Variants in PIEZO2 observed in about 807,000 individuals in gnomAD.
The protein encoded by PIEZO2 is piezo type mechanosensitive ion channel component 2.
In PIEZO2, 172 loss-of-function variants were observed where a neutral mutation model predicts 337.3. That is an observed-to-expected ratio of 0.51 (90% confidence interval 0.45 to 0.58). PIEZO2 has a LOEUF of 0.58. Ranked by LOEUF, PIEZO2 falls within the 20% of genes least tolerant of loss-of-function variation. PIEZO2 has a pLI of 0.00. For synonymous variants in PIEZO2, 1,251 were observed against 1,228.5 expected (o/e 1.02, Z -0.38); for missense variants, 3,028 against 3,391.3 (o/e 0.89, Z 2.66).
rs375174538 is a variant in PIEZO2, at chr18:11,104,188, T to C, written c.65-37966A>G. 5.9e-5 allele frequency among the ~76,000 whole-genome samples: 9 copies of C among 152,290 alleles called. No individual in the cohort carries two copies. The highest frequency in any genetic ancestry group is 3.9e-4 in the East Asian group (2 of 5,182). ...TGAGACGGACCCTGCAAATGCATAA[T>C]GCACCAGGAGAATGGTCTATGTAAC... On this transcript the variant is annotated intron_variant, in intron 1 of 55. Coordinates refer to ENST00000674853, the MANE Select transcript of PIEZO2 (RefSeq NM_001378183.1). The surrounding 1 kb of genome is among the most constrained non-coding windows in gnomAD (Gnocchi z 4.6).
At position 10,815,352 on chromosome 18, in the gene PIEZO2, C is replaced by T. The variant is rs185073577; in HGVS notation, c.918-8078G>A. ...CGAGCCCTGCCTGAATGATTACCTA[C>T]GTGACCCTGAGTAGGACATTTAACC... On this transcript the variant is annotated intron_variant, in intron 7 of 55. Coordinates refer to ENST00000674853, the MANE Select transcript of PIEZO2 (RefSeq NM_001378183.1). This position sits in a 1 kb window ranked among gnomAD's most constrained non-coding sequence, Gnocchi z 4.1. Among the ~76,000 whole-genome samples the T allele has an allele frequency of 3.6e-3, 542 of 152,276 alleles. 11 individuals are homozygous for T. Among genetic ancestry groups the T allele is most frequent in the Admixed American group, 0.032 (493 of 15,298 alleles).
intron 36 of PIEZO2, chr18:10,728,225 G>A (rs1299960718): frequency 2.0e-5 from 3 of 152,618 alleles, no homozygotes; most frequent in East Asian, 1.9e-4. Context: ...AATCCTGTGC[G>A]TGAGGCCAAA....
At chr18:10,810,735 C>A (rs537378372) in intron 7 of PIEZO2, among the ~76,000 whole-genome samples, 1 of 152,268 alleles carries the variant, frequency 6.6e-6, no homozygotes, top group South Asian at 2.1e-4. Context: ...GTCCCCAAAT[C>A]AAGAATTGGG....
chr18:11,051,019 T>C (rs535231728), intron 2 of PIEZO2, among the ~76,000 whole-genome samples: 39 of 152,258 alleles, frequency 2.6e-4, no homozygotes, highest in African/African-American at 8.9e-4. Context: ...CTGAAAGGGT[T>C]GGCAGTGTGC....
At chr18:10,961,211 A>G (rs1480644632) in intron 3 of PIEZO2, among the ~76,000 whole-genome samples, 5 of 152,266 alleles carry the variant, frequency 3.3e-5, no homozygotes, top group East Asian at 1.9e-4. Context: ...TGGTATATAC[A>G]TACAATGGAA....
chr18:10,772,669 A>G (rs1284464529), intron 20 of PIEZO2, among the ~76,000 whole-genome samples: 3 of 152,220 alleles, frequency 2.0e-5, no homozygotes, highest in Non-Finnish European at 2.9e-5. Flanking sequence ...TCATAGCCCC[A>G]GAACCTCACC....
chr18:10,770,022 G>A, intron 21 of PIEZO2, 126 bp downstream of exon 21: 1 of 1,018,956 alleles, frequency 9.8e-7, no homozygotes, highest in South Asian at 1.8e-5. Context: ...TAAGTACTTA[G>A]TCTTGGAGTC....
Position 10,846,118 on chromosome 18 carries a change from G to A in PIEZO2, c.917+9235C>T, listed in dbSNP as rs965480337. Among the ~76,000 whole-genome samples, 1 of 152,200 alleles carries A rather than the reference G, an allele frequency of 6.6e-6. No individual in the cohort carries two copies. The highest frequency in any genetic ancestry group is 2.4e-5 in the African/African-American group (1 of 41,444). ...TATATTAGTCCATTGTCACACTGCT[G>A]AAAGTGACATACCCAAGACTTGGCA... On this transcript the variant is annotated intron_variant, in intron 7 of 55. Transcript: ENST00000674853. The surrounding 1 kb of genome is among the most constrained non-coding windows in gnomAD (Gnocchi z 4.1).
At chr18:10,904,298 G>A (rs2043121361) in intron 4 of PIEZO2, among the ~76,000 whole-genome samples, 1 of 152,162 alleles carries the variant, frequency 6.6e-6, no homozygotes. Context: ...TGAATAGAAG[G>A]TAGAGCCCAT....
In PIEZO2 at chr18:10,781,514, T is replaced by C. The variant is rs1383657177; in HGVS notation, c.2493-1148A>G. Among the ~76,000 whole-genome samples the C allele has an allele frequency of 1.3e-5, 2 of 151,964 alleles. No homozygotes were observed. Among genetic ancestry groups the C allele is most frequent in the African/African-American group, 4.8e-5 (2 of 41,388 alleles). ...TAATGAATATTTAAATAGTCCTTTG[T>C]AAATCATTGCTAATTATATATTATA... On this transcript the variant is annotated intron_variant, in intron 17 of 55. Coordinates refer to ENST00000674853, the MANE Select transcript of PIEZO2 (RefSeq NM_001378183.1). The surrounding 1 kb of genome is among the most constrained non-coding windows in gnomAD (Gnocchi z 4.1).
In PIEZO2 at chr18:10,682,328, G is replaced by A; in HGVS notation, c.7498-36C>T. On this transcript the variant is annotated intron_variant, in intron 49 of 55. Transcript: ENST00000674853. The surrounding 1 kb of genome is among the most constrained non-coding windows in gnomAD (Gnocchi z 5.6). Reference sequence around the variant, plus strand: ...GAGTTCAGACAAGGCTCAGGCTCAGGCTCAGGTGCTTTCCCGCAGGCAGCG... The same window carrying A: ...GAGTTCAGACAAGGCTCAGGCTCAGACTCAGGTGCTTTCCCGCAGGCAGCG... 6.7e-7 allele frequency: 1 copy of A among 1,503,530 alleles called. No individual in the cohort carries two copies. The highest frequency in any genetic ancestry group is 8.9e-7 in the Non-Finnish European group (1 of 1,126,442). 93.1% of individuals were successfully genotyped at this position (1,503,530 alleles called of 1,614,324 possible).
At chr18:11,040,716 T>G in intron 2 of PIEZO2, among the ~76,000 whole-genome samples, 1 of 152,172 alleles carries the variant, frequency 6.6e-6, no homozygotes, top group Non-Finnish European at 1.5e-5. Context: ...ATAATTATCC[T>G]CAATGTGGGC....
chr18:10,795,149 C>G lies in PIEZO2; in HGVS notation c.1528-147G>C. ...GAGTTGTGGTGGAGTGATGGAGACC[C>G]CAAGCCGTGGAGTGGTGGCTTGGAA... On this transcript the variant is annotated intron_variant, in intron 12 of 55. Coordinates refer to ENST00000674853, the MANE Select transcript of PIEZO2 (RefSeq NM_001378183.1). This position sits in a 1 kb window ranked among gnomAD's most constrained non-coding sequence, Gnocchi z 4.4. 1.4e-6 allele frequency: 1 copy of G among 699,302 alleles called. No individual in the cohort carries two copies. Among genetic ancestry groups the G allele is most frequent in the South Asian group, 2.0e-5 (1 of 48,802 alleles). The allele number at this position is 699,302 out of a possible 1,614,324, so 43.3% of individuals were successfully genotyped here.
intron 11 of PIEZO2, 48 bp from the exon 12 acceptor site, chr18:10,797,570 T>C (rs960557063): frequency 2.6e-6 from 4 of 1,530,014 alleles, no homozygotes; most frequent in Non-Finnish European, 3.5e-6. Context: ...ACATGTGACA[T>C]TTGTATAAAT....
Position 10,748,576 on chromosome 18 carries a change from T to C in PIEZO2, c.4319A>G (p.Asp1440Gly). The C allele has an allele frequency of 1.3e-6, 2 of 1,533,160 alleles. No individual in the cohort carries two copies. The highest frequency in any genetic ancestry group is 1.7e-6 in the Non-Finnish European group (2 of 1,145,328). 95.0% of individuals were successfully genotyped at this position (1,533,160 alleles called of 1,614,324 possible). A position where few individuals can be genotyped will look rare whatever the true frequency, so the allele number is the denominator to read the frequency against. ...LPSGEAGIIW[D>G]SICFAFLLLQ... Reference sequence around the variant, plus strand: ...CAGGAGGAAGGCAAAACATATGCTGTCCCAAATGATTCCTGCTTCCCCACT... The same window carrying C: ...CAGGAGGAAGGCAAAACATATGCTGCCCCAAATGATTCCTGCTTCCCCACT... The change falls in exon 30 of 56, where the codon GAC (aspartate) becomes GGC (glycine). Residue 1440 changes from aspartate to glycine, a missense_variant. Asp to Gly is a moderately conservative substitution (Grantham distance 94). This residue lies in a region of PIEZO2 where 1,925 missense variants were observed against 2,051.9 expected (regional missense o/e 0.94). Coordinates refer to ENST00000674853, the MANE Select transcript of PIEZO2 (RefSeq NM_001378183.1). This position sits in a 1 kb window ranked among gnomAD's most constrained non-coding sequence, Gnocchi z 5.1.
intron 4 of PIEZO2, among the ~76,000 whole-genome samples, chr18:10,892,010 A>T (rs1302361301): frequency 6.6e-6 from 1 of 152,190 alleles, no homozygotes; most frequent in East Asian, 1.9e-4. Context: ...GTAATGCAGG[A>T]TTGATAGGCA....
At chr18:10,732,542 G>A (rs953213749) in intron 35 of PIEZO2, among the ~76,000 whole-genome samples, 3 of 152,162 alleles carry the variant, frequency 2.0e-5, no homozygotes, top group Non-Finnish European at 4.4e-5. Flanking sequence ...AGGGTCATAG[G>A]TTACTATAAT....
intron 53 of PIEZO2, among the ~76,000 whole-genome samples, chr18:10,675,571 T>C (rs2033962109): frequency 6.6e-6 from 1 of 152,242 alleles, no homozygotes; most frequent in Non-Finnish European, 1.5e-5. Flanking sequence ...TTCTGCAGCT[T>C]GTTTCTGAAG....
At chr18:10,799,449 C>G (rs142290576) in intron 11 of PIEZO2, among the ~76,000 whole-genome samples, 17 of 152,170 alleles carry the variant, frequency 1.1e-4, no homozygotes, top group Middle Eastern at 6.8e-3. Flanking sequence ...GTGTCCATTT[C>G]TAGGTCAGAG....
Sources: gnomAD v4.1 joint callset for allele counts (sites outside exome capture counted in the v4.1 genomes callset) on GRCh38, gnomAD v4.1.1 for gene constraint, gnomAD v4.1.1 regional missense constraint, Gnocchi (gnomAD v3.1) non-coding constraint, MANE v1.5 for transcripts, NCBI Gene and HGNC (gene_info 2026-07-23, HGNC 2026-07-21) for gene names.